The following EPB41L3 variants were observed in gnomAD, a reference collection of about 807,000 sequenced individuals.
The protein encoded by EPB41L3 is erythrocyte membrane protein band 4.1 like 3, also known as band 4.1-like protein 3.
In EPB41L3, 57 loss-of-function variants were observed where a neutral mutation model predicts 127.1. The ratio of observed to expected loss-of-function variants is 0.45; its 90% CI spans 0.36 to 0.56. The LOEUF (loss-of-function observed/expected upper bound fraction) is 0.56. Ranked by LOEUF, EPB41L3 falls within the 20% of genes least tolerant of loss-of-function variation. The pLI is 0.00. For synonymous variants in EPB41L3, 572 were observed against 549.5 expected (o/e 1.04, Z -0.57); for missense variants, 1,273 against 1,372.2 (o/e 0.93, Z 1.14).
chr18:5,448,061 TG>T (rs1029497026), intron 3 of EPB41L3, among the ~76,000 whole-genome samples: 13 of 152,204 alleles, frequency 8.5e-5, no homozygotes, highest in Non-Finnish European at 1.8e-4. Context: ...TGGATGACTA[TG>T]GAAAAGGCTT....
chr18:5,627,722 A>G (rs2094937419), intron 1 of EPB41L3, among the ~76,000 whole-genome samples: 1 of 151,606 alleles, frequency 6.6e-6, no homozygotes, highest in Admixed American at 6.6e-5. Context: ...CTCTGGGAAT[A>G]AAAGAATGAG....
At chr18:5,491,643 A>G (rs975363776) in intron 1 of EPB41L3, among the ~76,000 whole-genome samples, 2 of 152,220 alleles carry the variant, frequency 1.3e-5, no homozygotes, top group African/African-American at 4.8e-5. Flanking sequence ...ACAGCAGCTC[A>G]TACCTCAAAA....
chr18:5,556,084 A>G (rs1050129511), intron 3 of EPB41L3, among the ~76,000 whole-genome samples: 4 of 152,132 alleles, frequency 2.6e-5, no homozygotes, highest in Non-Finnish European at 4.4e-5. Context: ...TGTGTCCCCA[A>G]CCTGCACACT....
At chr18:5,559,717 C>T (rs917383536) in intron 3 of EPB41L3, among the ~76,000 whole-genome samples, 4 of 152,104 alleles carry the variant, frequency 2.6e-5, no homozygotes, top group Non-Finnish European at 4.4e-5. Context: ...ATCAATCATA[C>T]AACATTTACT....
intron 3 of EPB41L3, among the ~76,000 whole-genome samples, chr18:5,446,195 T>G (rs1568212611): frequency 2.0e-5 from 3 of 152,200 alleles, no homozygotes; most frequent in African/African-American, 7.2e-5. Context: ...ACAGAGTTTT[T>G]CTCTTAACTT....
Position 5,622,951 on chromosome 18 carries a change from A to ATTTTTTTT in EPB41L3, c.-468+5963_-468+5970dup, listed in dbSNP as rs10622515. ...GAGAGATTTGTATGGCATAATGCTGATTTTTTTTTTTTTTTTTTTTTTTTT... is the reference window on the plus strand; with the variant it reads ...GAGAGATTTGTATGGCATAATGCTGATTTTTTTTTTTTTTTTTTTTTTTTTTTTTTTTT... On this transcript the variant is annotated intron_variant, in intron 1 of 21. Coordinates refer to the EPB41L3 transcript ENST00000545076. 1.8e-4 allele frequency among the ~76,000 whole-genome samples: 14 copies of ATTTTTTTT among 76,050 alleles called. 1 individual carries two copies. The highest frequency in any genetic ancestry group is 3.8e-4 in the Admixed American group (2 of 5,204). 49.9% of individuals were successfully genotyped at this position (76,050 alleles called of 152,430 possible).
Position 5,598,452 on chromosome 18 carries a change from CTAA to C in EPB41L3, c.-306+13885_-306+13887del, listed in dbSNP as rs539384618. On this transcript the variant is annotated intron_variant, in intron 3 of 21. Coordinates refer to the EPB41L3 transcript ENST00000545076. ...GTTTATGTTAACATGTAATGGTTTA[CTAA>C]TGTTATTTTTAAATGAATTAATAAA... is the stretch of plus-strand genomic sequence containing the variant. Among the ~76,000 whole-genome samples the C allele has an allele frequency of 2.3e-4, 35 of 152,126 alleles. No individual in the cohort carries two copies. The East Asian group carries it at 5.0e-3, about 22-fold the overall frequency.
intron 3 of EPB41L3, chr18:5,610,365 T>C: frequency 1.1e-6 from 1 of 882,570 alleles, no homozygotes; most frequent in Non-Finnish European, 1.4e-6. Flanking sequence ...ACAGTGGGAG[T>C]TAAGGAGAAA....
intron 1 of EPB41L3, among the ~76,000 whole-genome samples, chr18:5,520,722 G>A (rs1486258316): frequency 1.3e-5 from 2 of 152,144 alleles, no homozygotes; most frequent in Non-Finnish European, 2.9e-5. Context: ...GCAGAACAGA[G>A]GCACTGCCAG....
At chr18:5,497,684 T>A (rs945714541) in intron 1 of EPB41L3, among the ~76,000 whole-genome samples, 1 of 152,212 alleles carries the variant, frequency 6.6e-6, no homozygotes, top group Admixed American at 6.5e-5. Context: ...CCCGATATCA[T>A]CAGCAATACT....
At chr18:5,438,573 G>C (rs1230816211) in intron 5 of EPB41L3, among the ~76,000 whole-genome samples, 2 of 152,168 alleles carry the variant, frequency 1.3e-5, no homozygotes, top group Non-Finnish European at 2.9e-5. Flanking sequence ...AATGTCAAGG[G>C]ACTATTCAAC....
intron 3 of EPB41L3, among the ~76,000 whole-genome samples, chr18:5,551,695 G>A (rs1041210727): frequency 1.3e-5 from 2 of 152,086 alleles, no homozygotes; most frequent in African/African-American, 2.4e-5. Context: ...ACTCCAGCCT[G>A]GGCAACAGAG....
chr18:5,490,208 A>C (rs1372205039), intron 1 of EPB41L3, among the ~76,000 whole-genome samples: 1 of 152,238 alleles, frequency 6.6e-6, no homozygotes, highest in Non-Finnish European at 1.5e-5. Context: ...ATTTTAAGCA[A>C]TTACTTACCT....
chr18:5,584,543 T>C (rs2094425971), intron 3 of EPB41L3, among the ~76,000 whole-genome samples: 1 of 152,134 alleles, frequency 6.6e-6, no homozygotes, highest in Non-Finnish European at 1.5e-5. Flanking sequence ...GTACCTACAG[T>C]ATATAGGTGC....
upstream of EPB41L3, among the ~76,000 whole-genome samples, chr18:5,547,671 A>G (rs1177401508): frequency 6.6e-6 from 1 of 152,186 alleles, no homozygotes; most frequent in Non-Finnish European, 1.5e-5. Flanking sequence ...AGCTTACTTC[A>G]GGTAAGATAT....
chr18:5,575,812 T>C (rs1961421), intron 3 of EPB41L3, among the ~76,000 whole-genome samples: 98,633 of 151,690 alleles, frequency 0.65, 32,448 homozygotes, highest in South Asian at 0.71. Context: ...ACTGCAGCCT[T>C]GGTGACAGAG....
chr18:5,586,519 C>T (rs2094443470), intron 3 of EPB41L3, among the ~76,000 whole-genome samples: 1 of 150,980 alleles, frequency 6.6e-6, no homozygotes, highest in African/African-American at 2.4e-5. Context: ...CCTACCTTAG[C>T]CTCCCGAGTA....
At chr18:5,532,940 G>A (rs1598736693) in intron 1 of EPB41L3, among the ~76,000 whole-genome samples, 1 of 152,122 alleles carries the variant, frequency 6.6e-6, no homozygotes, top group Non-Finnish European at 1.5e-5. Context: ...TAAGAGGTAT[G>A]ATGGTAAGTC....
Position 5,419,133 on chromosome 18 carries a change from T to C in EPB41L3, c.1506+578A>G, listed in dbSNP as rs116514839. ...GGTGAAACAATGTTACAAAGTTTAA[T>C]GAATTCAACACTGAAAGAAGAAGCT... is the stretch of plus-strand genomic sequence containing the variant. On this transcript the variant is annotated intron_variant, in intron 12 of 22. Transcript: ENST00000341928. 1.6e-3 allele frequency among the ~76,000 whole-genome samples: 243 copies of C among 152,362 alleles called. 1 individual carries two copies. The highest frequency in any genetic ancestry group is 5.7e-3 in the African/African-American group (236 of 41,588).
Sources: gnomAD v4.1 joint callset for allele counts (sites outside exome capture counted in the v4.1 genomes callset) on GRCh38, gnomAD v4.1.1 for gene constraint, MANE v1.5 for transcripts, NCBI Gene and HGNC (gene_info 2026-07-23, HGNC 2026-07-21) for gene names.